Variants in SLC12A2 observed in about 807,000 individuals in gnomAD.
SLC12A2 encodes solute carrier family 12 member 2, also known as Na-K-2Cl cotransporter 1.
In SLC12A2, 67 loss-of-function variants were observed where a neutral mutation model predicts 136.3. The ratio of observed to expected loss-of-function variants is 0.49; its 90% CI spans 0.40 to 0.60. The LOEUF is 0.60. Ranked by LOEUF, SLC12A2 falls within the 20% of genes least tolerant of loss-of-function variation. SLC12A2 has a pLI of 0.00. For synonymous variants in SLC12A2, 619 were observed against 562.9 expected (o/e 1.10, Z -1.41); for missense variants, 1,322 against 1,534.7 (o/e 0.86, Z 2.32).
chr5:128,172,153 T>C (rs1344568303), intron 19 of SLC12A2, among the ~76,000 whole-genome samples: 1 of 152,206 alleles, frequency 6.6e-6, no homozygotes, highest in African/African-American at 2.4e-5. Flanking sequence ...AGCCTAAAGT[T>C]TGTCATAACG....
chr5:128,144,524 T>C (rs529817983), intron 10 of SLC12A2, among the ~76,000 whole-genome samples: 61 of 152,302 alleles, frequency 4.0e-4, no homozygotes, highest in Non-Finnish European at 7.2e-4. Context: ...TATAGTCTTA[T>C]ATTGCTTGCT....
At position 128,083,947 on chromosome 5, in the gene SLC12A2, G is replaced by C. The variant is rs945870502; in HGVS notation, c.-8G>C. On this transcript the variant is annotated 5_prime_UTR_variant, in exon 1 of 27. Coordinates refer to ENST00000262461, the MANE Select transcript of SLC12A2 (RefSeq NM_001046.3). ...GGGCTCTGCAGTTCCGCCGGGGGTC[G>C]GGCAGCTATGGAGCCGCGGCCCACG... 2 of 1,230,356 alleles carry C rather than the reference G, an allele frequency of 1.6e-6. No homozygotes were observed. Among genetic ancestry groups the C allele is most frequent in the Non-Finnish European group, 2.0e-6 (2 of 985,986 alleles). The allele number at this position is 1,230,356 out of a possible 1,614,324, so 76.2% of individuals were successfully genotyped here.
intron 17 of SLC12A2, among the ~76,000 whole-genome samples, chr5:128,163,910 T>C (rs918780323): frequency 2.6e-5 from 4 of 152,212 alleles, no homozygotes; most frequent in African/African-American, 9.6e-5. Flanking sequence ...ATTTATACTT[T>C]ATTTTTGTAT....
chr5:128,179,008 T>C (rs1300932356), intron 22 of SLC12A2, among the ~76,000 whole-genome samples: 1 of 152,214 alleles, frequency 6.6e-6, no homozygotes. Context: ...TTATCTACCT[T>C]TGGCAGAAAT....
In SLC12A2 at chr5:128,186,139, A is replaced by G. The variant is rs572594303; in HGVS notation, c.3504-357A>G. 3.9e-5 allele frequency among the ~76,000 whole-genome samples: 6 copies of G among 152,286 alleles called. 1 individual carries two copies. In the South Asian group the frequency reaches 1.2e-3, roughly 32 times the overall value. Reference sequence around the variant, plus strand: ...TTACCATCGTGTTACAGTTGCCTATAGTATTCACTACAGTAACGTACTATA... The same window carrying G: ...TTACCATCGTGTTACAGTTGCCTATGGTATTCACTACAGTAACGTACTATA... On this transcript the variant is annotated intron_variant, in intron 26 of 26. Transcript: ENST00000262461.
At chr5:128,177,449 G>A (rs1763572774) in intron 21 of SLC12A2, 1 of 219,772 alleles carries the variant, frequency 4.6e-6, no homozygotes, top group Non-Finnish European at 8.9e-6. Context: ...ATGATAAGTA[G>A]GGACACTGAA....
intron 4 of SLC12A2, among the ~76,000 whole-genome samples, 180 bp from the exon 5 acceptor site, chr5:128,130,887 C>T (rs1158738597): frequency 1.3e-5 from 2 of 152,038 alleles, no homozygotes; most frequent in African/African-American, 2.4e-5. Context: ...ATTGTTAATA[C>T]GTGTTTTGTG....
chr5:128,158,865 GTTT>G (rs67676665), intron 16 of SLC12A2, among the ~76,000 whole-genome samples: 5 of 135,880 alleles, frequency 3.7e-5, no homozygotes, highest in Non-Finnish European at 3.2e-5. Context: ...CAGCATCTGT[GTTT>G]TTTTTTTTTT....
At chr5:128,181,126 A>ATT (rs1763691981) in intron 23 of SLC12A2, 132 bp downstream of exon 23, 7 of 639,234 alleles carry the variant, frequency 1.1e-5, no homozygotes. Flanking sequence ...GAAGTTAAAA[A>ATT]TTTTAAATAT....
chr5:128,162,784 T>C (rs1324544951), intron 17 of SLC12A2, among the ~76,000 whole-genome samples: 9 of 152,170 alleles, frequency 5.9e-5, no homozygotes, highest in African/African-American at 2.2e-4. Flanking sequence ...TTATTCCATA[T>C]CCATTAGACT....
At chr5:128,167,532 A>T (rs1414153638) in intron 17 of SLC12A2, among the ~76,000 whole-genome samples, 1 of 152,070 alleles carries the variant, frequency 6.6e-6, no homozygotes, top group Non-Finnish European at 1.5e-5. Context: ...TACATTTAGA[A>T]TTTTTCAAGT....
intron 7 of SLC12A2, among the ~76,000 whole-genome samples, chr5:128,137,691 G>A (rs772277692): frequency 4.6e-5 from 7 of 152,136 alleles, no homozygotes; most frequent in Non-Finnish European, 1.0e-4. Context: ...ATGGATAGAT[G>A]GATACATTAC....
chr5:128,109,266 C>T (rs921009639), intron 1 of SLC12A2, among the ~76,000 whole-genome samples: 1 of 152,340 alleles, frequency 6.6e-6, no homozygotes, highest in Non-Finnish European at 1.5e-5. Context: ...AGCAGAATCC[C>T]TGGTGACCCT....
chr5:128,182,747 C>T (rs1368846219), intron 23 of SLC12A2, 108 bp from the exon 24 acceptor site: 1 of 688,474 alleles, frequency 1.5e-6, no homozygotes, highest in African/African-American at 1.8e-5. Flanking sequence ...TATTGTTTAG[C>T]ATATGATAGA....
intron 13 of SLC12A2, among the ~76,000 whole-genome samples, chr5:128,150,787 G>A (rs950679660): frequency 1.3e-5 from 2 of 151,762 alleles, no homozygotes; most frequent in South Asian, 4.1e-4. Context: ...CTAGCAAGTT[G>A]ATTATGTTTT....
intron 1 of SLC12A2, among the ~76,000 whole-genome samples, chr5:128,112,021 T>C (rs557548565): frequency 6.6e-6 from 1 of 152,208 alleles, no homozygotes; most frequent in South Asian, 2.1e-4. Flanking sequence ...ACCCAGAACA[T>C]CTATTTCCTA....
At chr5:128,165,794 A>T (rs1269697441) in intron 17 of SLC12A2, among the ~76,000 whole-genome samples, 5 of 151,976 alleles carry the variant, frequency 3.3e-5, no homozygotes, top group Admixed American at 6.6e-5. Flanking sequence ...TTATTATAGG[A>T]TTGTAACAAA....
intron 7 of SLC12A2, 93 bp downstream of exon 7, chr5:128,135,901 G>C (rs1348060531): frequency 1.2e-5 from 9 of 772,264 alleles, no homozygotes. Flanking sequence ...TTTTGTAACA[G>C]AATTGACTAT....
chr5:128,119,063 T>A (rs1761458126), intron 4 of SLC12A2, among the ~76,000 whole-genome samples: 1 of 152,152 alleles, frequency 6.6e-6, no homozygotes, highest in South Asian at 2.1e-4. Context: ...AAACTATACT[T>A]CTTGGTGGTA....
Sources: gnomAD v4.1 joint callset for allele counts (sites outside exome capture counted in the v4.1 genomes callset) on GRCh38, gnomAD v4.1.1 for gene constraint, MANE v1.5 for transcripts, NCBI Gene and HGNC (gene_info 2026-07-23, HGNC 2026-07-21) for gene names.